Variants in VPS13A observed in about 807,000 individuals in gnomAD.
VPS13A encodes vacuolar protein sorting 13 homolog A, also known as intermembrane lipid transfer protein VPS13A.
Under a neutral mutation model 390.9 loss-of-function variants are expected in VPS13A, and 264 were observed. That is an observed-to-expected ratio of 0.68 (90% CI 0.61 to 0.75). The LOEUF is 0.75. VPS13A is among the 30% of genes least tolerant of loss of function. The pLI, the probability that VPS13A is intolerant of heterozygous loss-of-function variation, is 0.00. For synonymous variants in VPS13A, 1,231 were observed against 1,227.1 expected (o/e 1.00, Z -0.07); for missense variants, 3,409 against 3,733.9 (o/e 0.91, Z 2.27).
chr9:77,193,603 C>T (rs1237173596), intron 1 of VPS13A, among the ~76,000 whole-genome samples: 2 of 152,190 alleles, frequency 1.3e-5, no homozygotes, highest in African/African-American at 2.4e-5. Context: ...CACTGCACTC[C>T]AGCCTGGGCG....
chr9:77,218,217 C>T (rs1822976452), intron 10 of VPS13A, among the ~76,000 whole-genome samples: 1 of 151,132 alleles, frequency 6.6e-6, no homozygotes, highest in South Asian at 2.1e-4. Flanking sequence ...GGGTTCATGC[C>T]ATTCTCCTGT....
intron 24 of VPS13A, among the ~76,000 whole-genome samples, chr9:77,273,779 A>G (rs548900676): frequency 6.6e-6 from 1 of 152,302 alleles, no homozygotes; most frequent in South Asian, 2.1e-4. Context: ...CTCCGTTGAT[A>G]AGAATGTCTT....
intron 71 of VPS13A, among the ~76,000 whole-genome samples, chr9:77,415,584 A>T (rs1241773874): frequency 6.6e-6 from 1 of 152,178 alleles, no homozygotes; most frequent in Non-Finnish European, 1.5e-5. Context: ...CCTCTCTGGA[A>T]TTGTGTGTAA....
intron 31 of VPS13A, among the ~76,000 whole-genome samples, chr9:77,287,486 C>T (rs1827401827): frequency 1.3e-5 from 2 of 152,118 alleles, no homozygotes; most frequent in African/African-American, 4.8e-5. Context: ...AGCTGAGCCA[C>T]AGCGCCTGGC....
rs1440929988 is a variant in VPS13A at position 77,357,826 on chromosome 9, T to A, written c.7941T>A (p.Ile2647=). Residue 2647 remains isoleucine, a synonymous_variant, in exon 56 of 72, where the codon ATT becomes ATA. Transcript: ENST00000360280. The stretch of plus-strand genomic sequence containing the variant: ...ATCAATCATCATTTAGAATTCAGAT[T>A]TACAGAATACAGGTAAGTCTTTCTG... ...SAHQSSFRIQ[I]YRIQIQNQIH... 3.7e-6 allele frequency: 6 copies of A among 1,613,344 alleles called. No homozygotes were observed. In the Admixed American group the frequency reaches 1.0e-4, roughly 27 times the overall value.
chr9:77,192,745 A>G (rs939103272), intron 1 of VPS13A, among the ~76,000 whole-genome samples: 1 of 151,922 alleles, frequency 6.6e-6, no homozygotes, highest in Non-Finnish European at 1.5e-5. Context: ...TAGTAGACCT[A>G]CCCCTTCTCT....
chr9:77,295,689 G>C lies in VPS13A; in HGVS notation c.3655G>C (p.Val1219Leu). The change falls in exon 33 of 72, where the codon GTC becomes CTC. Residue 1219 changes from valine (V) to leucine (L), a missense_variant. Coordinates refer to ENST00000360280, the MANE Select transcript of VPS13A (RefSeq NM_033305.3). ...LDINIKAPVV[V>L]IPQSPVSENV... is the part of the protein sequence containing the mutation. ...TATTAACATCAAAGCCCCAGTTGTG[G>C]TCATCCCGCAGTCTCCAGTTTCTGA... 6.2e-7 allele frequency: 1 copy of C among 1,613,998 alleles called. No individual in the cohort carries two copies. The highest frequency in any genetic ancestry group is 8.5e-7 in the Non-Finnish European group (1 of 1,179,938).
intron 45 of VPS13A, among the ~76,000 whole-genome samples, chr9:77,323,794 A>G (rs1829868893): frequency 6.6e-6 from 1 of 152,194 alleles, no homozygotes. Context: ...GGAATACAGT[A>G]CAGATGGAGT....
intron 17 of VPS13A, among the ~76,000 whole-genome samples, chr9:77,229,223 C>T (rs1823687519): frequency 1.3e-5 from 2 of 151,858 alleles, no homozygotes; most frequent in South Asian, 4.2e-4. Context: ...TGACTACAGG[C>T]GCGAGCCACC....
At chr9:77,241,322 G>A (rs1824479448) in intron 19 of VPS13A, among the ~76,000 whole-genome samples, 1 of 151,640 alleles carries the variant, frequency 6.6e-6, no homozygotes, top group Non-Finnish European at 1.5e-5. Flanking sequence ...TCTTCATTAA[G>A]TTTAATTTCA....
At chr9:77,285,168 G>A (rs1827258331) in intron 31 of VPS13A, among the ~76,000 whole-genome samples, 1 of 151,948 alleles carries the variant, frequency 6.6e-6, no homozygotes, top group African/African-American at 2.4e-5. Context: ...GCCTTGTTTA[G>A]TAACTTTCCA....
intron 6 of VPS13A, 78 bp from the exon 7 acceptor site, chr9:77,210,538 A>T (rs1825922967): frequency 7.0e-7 from 1 of 1,428,966 alleles, no homozygotes; most frequent in Admixed American, 1.7e-5. Context: ...GCCGCTGCAC[A>T]TTGACAGTTT....
At chr9:77,283,493 C>T (rs774565417) in intron 30 of VPS13A, 22 bp downstream of exon 30, 1 of 1,604,158 alleles carries the variant, frequency 6.2e-7, no homozygotes, top group African/African-American at 1.3e-5. Flanking sequence ...TCACAAAAAG[C>T]AAATTAAAAG....
In VPS13A at chr9:77,315,485, A is replaced by G; in HGVS notation, c.4630+15A>G. 1 of 1,609,868 alleles carries G rather than the reference A, an allele frequency of 6.2e-7. No homozygotes were observed. The highest frequency in any genetic ancestry group is 8.5e-7 in the Non-Finnish European group (1 of 1,176,460). ...TAAGGAAGAAGGTTAGTTATTGGCT[A>G]AAATATTTAATATTTGTTTTATTGA... On this transcript the variant is annotated intron_variant, in intron 38 of 71. Coordinates refer to ENST00000360280, the MANE Select transcript of VPS13A (RefSeq NM_033305.3).
intron 10 of VPS13A, among the ~76,000 whole-genome samples, chr9:77,217,137 A>G (rs914164557): frequency 2.0e-5 from 3 of 152,122 alleles, no homozygotes; most frequent in Non-Finnish European, 4.4e-5. Context: ...TTTTGGAGGG[A>G]AAAGAGGGTA....
intron 22 of VPS13A, among the ~76,000 whole-genome samples, chr9:77,255,813 T>C (rs1825405218): frequency 6.6e-6 from 1 of 152,096 alleles, no homozygotes. Context: ...GTCTCTCTCT[T>C]AACAGCCCTT....
At chr9:77,334,172 G>GT (rs1327738468) in intron 46 of VPS13A, among the ~76,000 whole-genome samples, 2 of 152,188 alleles carry the variant, frequency 1.3e-5, no homozygotes, top group East Asian at 1.9e-4. Flanking sequence ...AAAGCATAGT[G>GT]TTAAAAGGAA....
At chr9:77,199,857 C>T in intron 1 of VPS13A, 88 bp from the exon 2 acceptor site, 1 of 1,076,754 alleles carries the variant, frequency 9.3e-7, no homozygotes, top group South Asian at 1.5e-5. Context: ...TATATTTTTC[C>T]TGATTATGAC....
At chr9:77,267,076 A>G (rs1180196647) in intron 23 of VPS13A, among the ~76,000 whole-genome samples, 4 of 151,954 alleles carry the variant, frequency 2.6e-5, no homozygotes, top group African/African-American at 4.8e-5. Context: ...CCTTTTTTCA[A>G]CACTCTTAGG....
Sources: gnomAD v4.1 joint callset for allele counts (sites outside exome capture counted in the v4.1 genomes callset) on GRCh38, gnomAD v4.1.1 for gene constraint, MANE v1.5 for transcripts, NCBI Gene and HGNC (gene_info 2026-07-23, HGNC 2026-07-21) for gene names.